The following RCAN2 variants were observed in gnomAD, a reference collection of about 807,000 sequenced individuals.
The protein encoded by RCAN2 is calcipressin-2.
A neutral mutation model predicts 23.6 loss-of-function variants in RCAN2; 9 were observed. That is an observed-to-expected ratio of 0.38 (90% CI 0.23 to 0.67). The LOEUF (loss-of-function observed/expected upper bound fraction) is 0.67. Among genes scored for constraint, RCAN2 ranks in the 30% least tolerant of loss-of-function variants. RCAN2 has a pLI of 0.51. For synonymous variants in RCAN2, 109 were observed against 115.7 expected, an observed-to-expected ratio of 0.94 and a Z score of 0.37; for missense variants, 273 against 302.3, an observed-to-expected ratio of 0.90 and a Z score of 0.72.
At chr6:46,240,014 G>C (rs1465764390) in intron 4 of RCAN2, among the ~76,000 whole-genome samples, 1 of 152,156 alleles carries the variant, frequency 6.6e-6, no homozygotes, top group African/African-American at 2.4e-5. Context: ...TAAAGAGGGA[G>C]AGCGACCAGA....
chr6:46,244,493 CTT>C (rs970936728), intron 4 of RCAN2, among the ~76,000 whole-genome samples: 5 of 152,244 alleles, frequency 3.3e-5, no homozygotes, highest in Middle Eastern at 3.4e-3. Context: ...TTGCCCCTAG[CTT>C]TTTCTGCATC....
At chr6:46,451,519 GA>G (rs1767883186) in intron 2 of RCAN2, among the ~76,000 whole-genome samples, 1 of 152,120 alleles carries the variant, frequency 6.6e-6, no homozygotes, top group Non-Finnish European at 1.5e-5. Context: ...AGAGATTGTG[GA>G]CCGGCAGTTG....
chr6:46,278,568 C>G (rs933240966), intron 2 of RCAN2, among the ~76,000 whole-genome samples: 14 of 152,298 alleles, frequency 9.2e-5, no homozygotes, highest in Middle Eastern at 3.4e-3. Context: ...ATATTATAAT[C>G]TATAAACCAC....
intron 2 of RCAN2, among the ~76,000 whole-genome samples, chr6:46,293,280 A>G (rs1049853012): frequency 6.6e-6 from 1 of 152,196 alleles, no homozygotes; most frequent in East Asian, 1.9e-4. Context: ...CCTTGGAATT[A>G]AGCTGAAAAA....
chr6:46,325,323 C>T, intron 2 of RCAN2: 5 of 1,559,752 alleles, frequency 3.2e-6, no homozygotes, highest in Non-Finnish European at 4.4e-6. Flanking sequence ...CTTATTTCTT[C>T]ATGCTAAAAA....
intron 2 of RCAN2, among the ~76,000 whole-genome samples, chr6:46,431,800 G>C (rs1293924741): frequency 6.6e-6 from 1 of 152,180 alleles, no homozygotes; most frequent in Non-Finnish European, 1.5e-5. Flanking sequence ...TATATTATCT[G>C]ACGATTAACA....
At chr6:46,389,768 C>T (rs9688805) in intron 2 of RCAN2, among the ~76,000 whole-genome samples, 62,969 of 152,032 alleles carry the variant, frequency 0.41, 15,755 homozygotes, top group East Asian at 0.59. Context: ...CATTCAGATC[C>T]TCCACCGTCT....
At chr6:46,272,431 C>A (rs1035750624) in intron 2 of RCAN2, among the ~76,000 whole-genome samples, 2 of 152,162 alleles carry the variant, frequency 1.3e-5, no homozygotes, top group African/African-American at 4.8e-5. Context: ...AGAGTCTACC[C>A]CTTGTGAAAC....
chr6:46,406,072 C>G (rs1766397356), intron 2 of RCAN2, among the ~76,000 whole-genome samples: 1 of 152,242 alleles, frequency 6.6e-6, no homozygotes. Flanking sequence ...CGGGGCCCGC[C>G]AAGCCCACGC....
chr6:46,401,629 C>T (rs879015183), intron 2 of RCAN2, among the ~76,000 whole-genome samples: 22 of 152,128 alleles, frequency 1.4e-4, no homozygotes, highest in African/African-American at 4.8e-4. Flanking sequence ...AAGTAATCTG[C>T]GAACTATACG....
In RCAN2 at chr6:46,275,704, G is replaced by A. The variant is rs553283309; in HGVS notation, c.226-26808C>T. On this transcript the variant is annotated intron_variant, in intron 2 of 4. Transcript: ENST00000371374. ...GCTAAGACCTTTATTTTGCTACACA[G>A]CTATTGAGACACAGGCTCTTCTCCA... Among the ~76,000 whole-genome samples the A allele has an allele frequency of 9.5e-4, 145 of 152,310 alleles. 1 individual carries two copies. The highest frequency in any genetic ancestry group is 3.2e-3 in the African/African-American group (135 of 41,574).
At chr6:46,463,036 A>T (rs78150668) in intron 1 of RCAN2, among the ~76,000 whole-genome samples, 3 of 152,316 alleles carry the variant, frequency 2.0e-5, no homozygotes, top group Non-Finnish European at 4.4e-5. Flanking sequence ...GATGCTTATA[A>T]TAGTTTTACC....
chr6:46,448,633 A>G (rs1463223802), intron 2 of RCAN2, among the ~76,000 whole-genome samples: 1 of 151,932 alleles, frequency 6.6e-6, no homozygotes, highest in African/African-American at 2.4e-5. Flanking sequence ...GTTCACCACA[A>G]TCAAGTGAGA....
intron 2 of RCAN2, among the ~76,000 whole-genome samples, chr6:46,443,229 A>C (rs1477903111): frequency 6.6e-6 from 1 of 152,198 alleles, no homozygotes; most frequent in Non-Finnish European, 1.5e-5. Context: ...TTAATATTTA[A>C]AACTAATATT....
At chr6:46,343,444 C>T (rs1764390735) in intron 2 of RCAN2, among the ~76,000 whole-genome samples, 1 of 146,076 alleles carries the variant, frequency 6.8e-6, no homozygotes, top group Non-Finnish European at 1.5e-5. Flanking sequence ...GGCGCAATCT[C>T]AGCTCACTGC....
At chr6:46,304,136 C>A (rs2396635) in intron 2 of RCAN2, among the ~76,000 whole-genome samples, 107,603 of 152,024 alleles carry the variant, frequency 0.71, 39,870 homozygotes, top group Non-Finnish European at 0.83. Context: ...TTCTAGCCAC[C>A]CTGTTGGGTG....
At chr6:46,251,732 G>A (rs1766730603) in intron 2 of RCAN2, among the ~76,000 whole-genome samples, 1 of 152,182 alleles carries the variant, frequency 6.6e-6, no homozygotes, top group Non-Finnish European at 1.5e-5. Flanking sequence ...AGAGGGTGCT[G>A]ACAATGTGCT....
chr6:46,231,834 T>A (rs1765902667), intron 4 of RCAN2, among the ~76,000 whole-genome samples: 1 of 152,204 alleles, frequency 6.6e-6, no homozygotes, highest in Non-Finnish European at 1.5e-5. Flanking sequence ...GACATCCTGC[T>A]GTGTAGAGTA....
intron 4 of RCAN2, among the ~76,000 whole-genome samples, chr6:46,223,917 C>T (rs1357532227): frequency 6.6e-6 from 1 of 152,192 alleles, no homozygotes; most frequent in Non-Finnish European, 1.5e-5. Flanking sequence ...GACTGGCTTT[C>T]TGTCTTTCTG....
Sources: allele counts gnomAD v4.1 joint callset (sites outside exome capture counted in the v4.1 genomes callset), GRCh38; gene constraint gnomAD v4.1.1; transcripts MANE v1.5; gene names NCBI Gene and HGNC (gene_info 2026-07-23, HGNC 2026-07-21).